Variants in CGA observed in about 807,000 individuals in gnomAD.
The protein encoded by CGA is glycoprotein hormones, alpha polypeptide, also known as glycoprotein hormones alpha chain.
A neutral mutation model predicts 12.0 loss-of-function variants in CGA; 4 were observed. The ratio of observed to expected loss-of-function variants is 0.33; its 90% CI spans 0.16 to 0.76. CGA has a LOEUF of 0.76. Ranked by LOEUF, CGA falls within the 30% of genes least tolerant of loss-of-function variation. The probability of loss-of-function intolerance (pLI) is 0.60; values close to 1 mark genes in which losing one functional copy is unlikely to be tolerated. For missense variants in CGA, 102 were observed against 143.5 expected, an observed-to-expected ratio of 0.71 and a Z score of 1.48; for synonymous variants, 60 against 56.6, an observed-to-expected ratio of 1.06 and a Z score of -0.27.
intron 1 of CGA, among the ~76,000 whole-genome samples, chr6:87,093,156 G>GCTCT (rs1769472483): frequency 6.6e-6 from 1 of 152,142 alleles, no homozygotes; most frequent in African/African-American, 2.4e-5. Flanking sequence ...ACACATTAGA[G>GCTCT]AATTTAAAAG....
Position 87,086,620 on chromosome 6 carries a change from TACA to T in CGA, c.89-189_89-187del, listed in dbSNP as rs933149811. On this transcript the variant is annotated intron_variant, in intron 2 of 3. Transcript: ENST00000627148. Reference sequence around the variant, plus strand: ...GGTGAAACCCTGTCTCTACAAAAAATACAACAACAACAAAAATTAGCCAGACGT... The same window carrying T: ...GGTGAAACCCTGTCTCTACAAAAAATACAACAACAAAAATTAGCCAGACGT... 1.2e-5 allele frequency: 7 copies of T among 562,458 alleles called. No individual in the cohort carries two copies. The Admixed American group carries it at 1.6e-4, about 13-fold the overall frequency. 34.8% of individuals were successfully genotyped at this position (562,458 alleles called of 1,614,324 possible).
chr6:87,085,619 C>CAGT lies in CGA; in HGVS notation c.*134_*136dup, dbSNP rs1436274594. 268 of 652,780 alleles carry CAGT rather than the reference C, an allele frequency of 4.1e-4. No individual in the cohort carries two copies. The highest frequency in any genetic ancestry group is 2.8e-4 in the Non-Finnish European group (102 of 358,220). 40.4% of individuals were successfully genotyped at this position (652,780 alleles called of 1,614,324 possible). A position where few individuals can be genotyped will look rare whatever the true frequency, so the allele number is the denominator to read the frequency against. On this transcript the variant is annotated 3_prime_UTR_variant, in exon 4 of 4. Coordinates refer to ENST00000627148, the MANE Select transcript of CGA (RefSeq NM_000735.4). Reference sequence around the variant, plus strand: ...GATAAGGAGGAAGGCAGTAAAGCTGCAGTATATCCTTGAAGCGTGTCAAAG... The same window carrying CAGT: ...GATAAGGAGGAAGGCAGTAAAGCTGCAGTAGTATATCCTTGAAGCGTGTCAAAG...
chr6:87,093,119 T>C (rs1227020302), intron 1 of CGA, among the ~76,000 whole-genome samples: 2 of 152,158 alleles, frequency 1.3e-5, no homozygotes, highest in Non-Finnish European at 2.9e-5. Context: ...TTATTTTCTT[T>C]ACACCTGTGT....
chr6:87,094,987 C>T (rs1024967839), intron 1 of CGA, 26 bp downstream of exon 1: 7 of 152,084 alleles, frequency 4.6e-5, no homozygotes, highest in African/African-American at 1.7e-4. Flanking sequence ...AATTAAAGTC[C>T]CCCAAAATTA....
chr6:87,088,582 G>T (rs1769372714), intron 1 of CGA, among the ~76,000 whole-genome samples: 1 of 151,806 alleles, frequency 6.6e-6, no homozygotes, highest in Non-Finnish European at 1.5e-5. Flanking sequence ...TAATACCTAA[G>T]AAAATATATA....
intron 1 of CGA, among the ~76,000 whole-genome samples, chr6:87,094,523 A>G (rs1769500702): frequency 6.6e-6 from 1 of 152,230 alleles, no homozygotes; most frequent in Non-Finnish European, 1.5e-5. Context: ...ATTCCATGCT[A>G]CTATTCAAGT....
chr6:87,091,088 C>T (rs1769425251), intron 1 of CGA, among the ~76,000 whole-genome samples: 1 of 152,106 alleles, frequency 6.6e-6, no homozygotes, highest in African/African-American at 2.4e-5. Context: ...AATATTGCAG[C>T]TCATATATTA....
At chr6:87,090,727 T>A (rs1453345580) in intron 1 of CGA, among the ~76,000 whole-genome samples, 2 of 147,300 alleles carry the variant, frequency 1.4e-5, no homozygotes, top group African/African-American at 5.0e-5. Flanking sequence ...AACCTCCACC[T>A]CCTGGGTTCA....
intron 2 of CGA, 113 bp from the exon 3 acceptor site, chr6:87,086,547 T>A: frequency 2.1e-6 from 2 of 962,596 alleles, no homozygotes; most frequent in Non-Finnish European, 3.1e-6. Flanking sequence ...GAGGCCTTAG[T>A]GGGTGGATTG....
chr6:87,090,872 T>C, intron 1 of CGA, among the ~76,000 whole-genome samples: 1 of 150,728 alleles, frequency 6.6e-6, no homozygotes, highest in East Asian at 2.0e-4. Flanking sequence ...GGTCTCAAAC[T>C]CCTGACCTCG....
chr6:87,088,749 T>C (rs962127421), intron 1 of CGA: 3 of 152,192 alleles, frequency 2.0e-5, no homozygotes, highest in Admixed American at 2.0e-4. Flanking sequence ...CACCAAATAC[T>C]GGCATGGATG....
intron 2 of CGA, chr6:87,087,808 A>G (rs765858069): frequency 1.6e-5 from 3 of 193,358 alleles, no homozygotes; most frequent in African/African-American, 2.3e-5. Context: ...AATGTAAAAA[A>G]TAACTGAGCT....
At chr6:87,089,775 C>T (rs1336072245) in intron 1 of CGA, among the ~76,000 whole-genome samples, 1 of 152,018 alleles carries the variant, frequency 6.6e-6, no homozygotes, top group Non-Finnish European at 1.5e-5. Context: ...TCTGAAATGG[C>T]CCACAATCTG....
intron 2 of CGA, chr6:87,087,906 T>A (rs1769353030): frequency 5.6e-6 from 2 of 360,166 alleles, no homozygotes; most frequent in Middle Eastern, 6.7e-4. Context: ...GCTGCATAAA[T>A]GGTTGTGTAA....
chr6:87,094,333 C>A (rs1020640707), intron 1 of CGA, among the ~76,000 whole-genome samples: 1 of 152,182 alleles, frequency 6.6e-6, no homozygotes, highest in African/African-American at 2.4e-5. Flanking sequence ...AATGCTAATG[C>A]TAAGATAACC....
intron 1 of CGA, among the ~76,000 whole-genome samples, chr6:87,093,611 T>G (rs1220639815): frequency 6.6e-6 from 1 of 152,236 alleles, no homozygotes; most frequent in Non-Finnish European, 1.5e-5. Context: ...AGTTCACTCC[T>G]GTAAATTTTC....
chr6:87,090,627 C>T (rs961531458), intron 1 of CGA, among the ~76,000 whole-genome samples: 6 of 146,502 alleles, frequency 4.1e-5, no homozygotes, highest in Non-Finnish European at 4.5e-5. Flanking sequence ...GCTCTTTGGG[C>T]TCTTCAATAA....
In CGA at chr6:87,088,223, G is replaced by C. The variant is rs1562094376; in HGVS notation, c.-7-16C>G. 7.6e-6 allele frequency: 7 copies of C among 917,358 alleles called. No homozygotes were observed. The highest frequency in any genetic ancestry group is 4.6e-5 in the African/African-American group (1 of 21,540). The allele number at this position is 917,358 out of a possible 1,614,324, so 56.8% of individuals were successfully genotyped here. On this transcript the variant is annotated splice_polypyrimidine_tract_variant and intron_variant, in intron 1 of 3. Transcript: ENST00000627148. ...CATGGCGCTCCTGCAGACAGACATGGCAAAAAAAAAAAAACAAAAAACAGT... is the reference window on the plus strand; with the variant it reads ...CATGGCGCTCCTGCAGACAGACATGCCAAAAAAAAAAAAACAAAAAACAGT...
chr6:87,089,675 T>C (rs1309752020), intron 1 of CGA, among the ~76,000 whole-genome samples: 4 of 152,218 alleles, frequency 2.6e-5, no homozygotes, highest in Non-Finnish European at 5.9e-5. Context: ...ATGTTTATAT[T>C]AACCCATAAT....
Sources: allele counts gnomAD v4.1 joint callset (sites outside exome capture counted in the v4.1 genomes callset), GRCh38; gene constraint gnomAD v4.1.1; transcripts MANE v1.5; gene names NCBI Gene and HGNC (gene_info 2026-07-23, HGNC 2026-07-21).